Variants in MBOAT1 observed in about 807,000 individuals in gnomAD.
MBOAT1 encodes the protein membrane-bound glycerophospholipid O-acyltransferase 1.
Under a neutral mutation model 64.4 loss-of-function variants are expected in MBOAT1, and 67 were observed. The ratio of observed to expected loss-of-function variants is 1.04; its 90% CI spans 0.85 to 1.27. The LOEUF is 1.27. Ranked by LOEUF, MBOAT1 falls within the 50% of genes most tolerant of loss-of-function variation. The pLI is 0.00. For missense variants in MBOAT1, 563 were observed against 604.6 expected (o/e 0.93, Z 0.72); for synonymous variants, 229 against 218.9 (o/e 1.05, Z -0.41).
At position 20,186,930 on chromosome 6, in the gene MBOAT1, C is replaced by A. The variant is rs143891167; in HGVS notation, c.99+25206G>T. Among the ~76,000 whole-genome samples the A allele has an allele frequency of 8.3e-4, 126 of 152,310 alleles. 1 individual carries two copies. The highest frequency in any genetic ancestry group is 2.5e-3 in the African/African-American group (105 of 41,576). Reference sequence around the variant, plus strand: ...TTCAGCTTTAAGCAAAACCTACAGCCTATAAACACGGTTAATGAAACAAAT... The same window carrying A: ...TTCAGCTTTAAGCAAAACCTACAGCATATAAACACGGTTAATGAAACAAAT... On this transcript the variant is annotated intron_variant, in intron 1 of 12. Coordinates refer to ENST00000324607, the MANE Select transcript of MBOAT1 (RefSeq NM_001080480.3).
rs555859308 is a variant in MBOAT1, at chr6:20,191,787, T to TAGCTATATTATTATAGTACTAATAA, written c.99+20324_99+20348dup. 9.2e-5 allele frequency among the ~76,000 whole-genome samples: 14 copies of TAGCTATATTATTATAGTACTAATAA among 152,356 alleles called. No homozygotes were observed. In the South Asian group the frequency reaches 2.5e-3, roughly 27 times the overall value. The stretch of plus-strand genomic sequence containing the variant: ...TTAAAAGGCATATTTATAGCTTTTA[T>TAGCTATATTATTATAGTACTAATAA]AGCTATATTATTATAGTACTAATAA... On this transcript the variant is annotated intron_variant, in intron 1 of 12. Coordinates refer to ENST00000324607, the MANE Select transcript of MBOAT1 (RefSeq NM_001080480.3).
chr6:20,145,882 T>A (rs1163391353), intron 3 of MBOAT1, among the ~76,000 whole-genome samples: 1 of 152,242 alleles, frequency 6.6e-6, no homozygotes, highest in African/African-American at 2.4e-5. Flanking sequence ...TCTTACTCCA[T>A]GCATCCTACC....
At position 20,118,538 on chromosome 6, in the gene MBOAT1, C is replaced by G; in HGVS notation, c.910G>C (p.Asp304His). 6.2e-7 allele frequency: 1 copy of G among 1,612,694 alleles called. No individual in the cohort carries two copies. Among genetic ancestry groups the G allele is most frequent in the Non-Finnish European group, 8.5e-7 (1 of 1,179,264 alleles). The change falls in exon 9 of 13, where the codon GAT (aspartate) becomes CAT (histidine). Residue 304 changes from aspartate to histidine, a missense_variant and splice_region_variant. By Grantham distance (81) the Asp-to-His change is moderately conservative. Coordinates refer to ENST00000324607, the MANE Select transcript of MBOAT1 (RefSeq NM_001080480.3). ...AAGCCAGCTGCGTTATTCACTGCAT[C>G]AGCTATGGTTTTTAAAGTAACACAT... ...PKYYFAWTLADAVNNAAGFGF... is the reference protein window; with the variant it reads ...PKYYFAWTLAHAVNNAAGFGF...
intron 4 of MBOAT1, among the ~76,000 whole-genome samples, chr6:20,139,901 G>T (rs10946362): frequency 0.64 from 97,381 of 151,940 alleles, 31,857 homozygotes; most frequent in Middle Eastern, 0.74. Context: ...CATTCATTCT[G>T]CAGTCTTTGC....
chr6:20,153,965 G>C (rs1581428720), intron 1 of MBOAT1, among the ~76,000 whole-genome samples: 1 of 152,190 alleles, frequency 6.6e-6, no homozygotes, highest in Non-Finnish European at 1.5e-5. Context: ...ACTCTTCAAA[G>C]TATTCAAAAC....
chr6:20,156,270 C>CA (rs371464826), intron 1 of MBOAT1, among the ~76,000 whole-genome samples: 7,997 of 100,782 alleles, frequency 0.079, 282 homozygotes, highest in Middle Eastern at 0.11. Context: ...GACTCCCTCT[C>CA]AAAAAAAAAA....
intron 5 of MBOAT1, among the ~76,000 whole-genome samples, chr6:20,130,416 C>A (rs892016841): frequency 6.6e-6 from 1 of 152,060 alleles, no homozygotes; most frequent in Non-Finnish European, 1.5e-5. Context: ...TGCAGTGGCG[C>A]GATCTCGGCT....
chr6:20,102,870 GT>G (rs1358606471), intron 12 of MBOAT1, among the ~76,000 whole-genome samples: 1 of 152,144 alleles, frequency 6.6e-6, no homozygotes, highest in Non-Finnish European at 1.5e-5. Flanking sequence ...CTATCACCTA[GT>G]GACGTCGTAG....
chr6:20,198,802 C>T (rs1325631650), intron 1 of MBOAT1, among the ~76,000 whole-genome samples: 12 of 152,226 alleles, frequency 7.9e-5, no homozygotes, highest in Non-Finnish European at 1.5e-5. Context: ...CTAGCTTCCT[C>T]AGGATTTTCT....
chr6:20,124,976 G>GGCCA (rs1561752165), intron 7 of MBOAT1, among the ~76,000 whole-genome samples: 1 of 152,158 alleles, frequency 6.6e-6, no homozygotes, highest in African/African-American at 2.4e-5. Context: ...CTATTCCTGT[G>GGCCA]GCCAGCAGAG....
At chr6:20,191,801 T>C (rs1408354958) in intron 1 of MBOAT1, among the ~76,000 whole-genome samples, 2 of 152,208 alleles carry the variant, frequency 1.3e-5, no homozygotes, top group Non-Finnish European at 2.9e-5. Flanking sequence ...TATATTATTA[T>C]AGTACTAATA....
chr6:20,107,201 A>G (rs1179094867), intron 12 of MBOAT1, among the ~76,000 whole-genome samples: 3 of 152,136 alleles, frequency 2.0e-5, no homozygotes, highest in African/African-American at 7.2e-5. Context: ...TGCGACAAAC[A>G]GGGACACTGA....
At chr6:20,115,970 A>G (rs183802407) in intron 9 of MBOAT1, among the ~76,000 whole-genome samples, 82 of 148,766 alleles carry the variant, frequency 5.5e-4, no homozygotes, top group Non-Finnish European at 1.0e-3. Flanking sequence ...TCCCACAATA[A>G]CCCATTACCT....
chr6:20,181,578 C>T (rs958558780), intron 1 of MBOAT1, among the ~76,000 whole-genome samples: 3 of 152,176 alleles, frequency 2.0e-5, no homozygotes, highest in South Asian at 4.1e-4. Flanking sequence ...TGTGCTACAC[C>T]GTACTGTGCT....
At chr6:20,177,845 T>C (rs111612849) in intron 1 of MBOAT1, among the ~76,000 whole-genome samples, 54 of 152,082 alleles carry the variant, frequency 3.6e-4, no homozygotes, top group African/African-American at 1.3e-3. Context: ...TTGCTTTCTC[T>C]GACACTTTTC....
intron 1 of MBOAT1, among the ~76,000 whole-genome samples, chr6:20,163,716 G>A (rs1243062634): frequency 6.6e-6 from 1 of 152,180 alleles, no homozygotes; most frequent in Non-Finnish European, 1.5e-5. Flanking sequence ...CTGAACATCA[G>A]AGTTAAGACC....
chr6:20,103,388 G>C (rs1759856843), intron 12 of MBOAT1, among the ~76,000 whole-genome samples: 1 of 152,164 alleles, frequency 6.6e-6, no homozygotes, highest in Non-Finnish European at 1.5e-5. Context: ...TTGTATACCT[G>C]TACCACGTTT....
chr6:20,129,265 G>A (rs1158700077), intron 5 of MBOAT1, among the ~76,000 whole-genome samples: 1 of 152,134 alleles, frequency 6.6e-6, no homozygotes, highest in Non-Finnish European at 1.5e-5. Context: ...TAAAATGGGG[G>A]AAATGTAATC....
chr6:20,202,410 G>A (rs1763147384), intron 1 of MBOAT1, among the ~76,000 whole-genome samples: 1 of 152,080 alleles, frequency 6.6e-6, no homozygotes, highest in South Asian at 2.1e-4. Context: ...ATAGTTTGCT[G>A]GAAATCCCCA....
Sources: allele counts gnomAD v4.1 joint callset (sites outside exome capture counted in the v4.1 genomes callset), GRCh38; gene constraint gnomAD v4.1.1; transcripts MANE v1.5; gene names NCBI Gene and HGNC (gene_info 2026-07-23, HGNC 2026-07-21).